METAP1: variants seen among roughly 807,000 people sequenced by gnomAD.
The protein encoded by METAP1 is methionine aminopeptidase 1.
METAP1 carries 28 observed loss-of-function variants against 53.8 expected under a neutral mutation model. The ratio of observed to expected loss-of-function variants is 0.52; its 90% confidence interval spans 0.39 to 0.71. The LOEUF is 0.71. Ranked by LOEUF, METAP1 falls within the 30% of genes least tolerant of loss-of-function variation. The probability of loss-of-function intolerance (pLI) is 0.00; values close to 1 mark genes in which losing one functional copy is unlikely to be tolerated. For missense variants in METAP1, 389 were observed against 479.8 expected (o/e 0.81, Z 1.77); for synonymous variants, 181 against 165.7 (o/e 1.09, Z -0.71).
chr4:99,023,051 C>T (rs28419466), intron 1 of METAP1: 1 of 1,381,336 alleles, frequency 7.2e-7, no homozygotes, highest in Non-Finnish European at 9.8e-7. Flanking sequence ...TCCTCCTGCT[C>T]CTCCTCCACA....
chr4:99,027,556 C>T (rs1388740218), intron 1 of METAP1, among the ~76,000 whole-genome samples: 1 of 149,266 alleles, frequency 6.7e-6, no homozygotes, highest in Non-Finnish European at 1.5e-5. Flanking sequence ...CCCCCCCCCG[C>T]CTTTGTCATA....
intron 4 of METAP1, chr4:99,039,126 T>A (rs1230183): frequency 0.078 from 27,240 of 347,402 alleles, 1,452 homozygotes; most frequent in East Asian, 0.19. Context: ...ACTCTATAAG[T>A]ATTGGCTGAT....
chr4:99,048,401 G>GTC (rs1362249965), intron 8 of METAP1, among the ~76,000 whole-genome samples: 2 of 152,024 alleles, frequency 1.3e-5, no homozygotes, highest in Non-Finnish European at 2.9e-5. Flanking sequence ...TTGAGACAAG[G>GTC]TCTCTCTCTT....
rs925372294 is a variant in METAP1, at chr4:99,062,117, C to G, written c.*800C>G. 1 of 152,148 alleles carries G rather than the reference C, an allele frequency of 6.6e-6. No individual in the cohort carries two copies. Among genetic ancestry groups the G allele is most frequent in the Non-Finnish European group, 1.5e-5 (1 of 68,024 alleles). The allele number at this position is 152,148 out of a possible 1,614,324, so 9.4% of individuals were successfully genotyped here. A position where few individuals can be genotyped will look rare whatever the true frequency, so the allele number is the denominator to read the frequency against. ...CTGCTATTTCAGACCTCTGTTTGGT[C>G]AGAAATGGAAAAGAAAAAGCCCCCT... On this transcript the variant is annotated 3_prime_UTR_variant, in exon 11 of 11. Coordinates refer to ENST00000296411, the MANE Select transcript of METAP1 (RefSeq NM_015143.3).
intron 1 of METAP1, chr4:99,023,951 G>A (rs1413250484): frequency 1.2e-5 from 3 of 242,792 alleles, no homozygotes; most frequent in African/African-American, 4.6e-5. Context: ...GAGCGTTTGG[G>A]TAAGGGAGGA....
At chr4:99,022,342 A>G (rs1724174309) in intron 1 of METAP1, 2 of 855,938 alleles carry the variant, frequency 2.3e-6, no homozygotes, top group East Asian at 2.9e-5. Flanking sequence ...AGATCCCTCC[A>G]TGCTCTCTGA....
intron 3 of METAP1, among the ~76,000 whole-genome samples, chr4:99,034,732 C>T (rs1267366285): frequency 6.6e-6 from 1 of 152,152 alleles, no homozygotes; most frequent in African/African-American, 2.4e-5. Flanking sequence ...CCTTCCGTAT[C>T]ACAGATTGTG....
At chr4:99,027,057 A>T (rs539366222) in intron 1 of METAP1, among the ~76,000 whole-genome samples, 8 of 152,212 alleles carry the variant, frequency 5.3e-5, no homozygotes, top group Non-Finnish European at 8.8e-5. Flanking sequence ...AAGCACTCTG[A>T]AATCCTCTGA....
At chr4:99,008,935 T>C (rs993203836) in intron 1 of METAP1, among the ~76,000 whole-genome samples, 6 of 152,242 alleles carry the variant, frequency 3.9e-5, no homozygotes, top group Admixed American at 3.3e-4. Flanking sequence ...TTTATGTGTA[T>C]AGTTCAGTAG....
chr4:98,998,438 A>T (rs558993830), intron 1 of METAP1, among the ~76,000 whole-genome samples: 1 of 152,256 alleles, frequency 6.6e-6, no homozygotes, highest in East Asian at 1.9e-4. Context: ...CACAAGAATC[A>T]CTTGAACCTG....
Position 99,035,433 on chromosome 4 carries a change from AG to A in METAP1, c.314del (p.Arg105AsnfsTer9). 6.5e-7 allele frequency: 1 copy of A among 1,549,014 alleles called. No homozygotes were observed. The highest frequency in any genetic ancestry group is 8.7e-7 in the Non-Finnish European group (1 of 1,144,752). On this transcript the variant is annotated frameshift_variant, in exon 4 of 11. Transcript: ENST00000296411. LOFTEE classifies it high-confidence loss of function. ...AAGGCCAGTGCCAAGTTATATTCAAAGACCAGATTATGCTGATCATCCCTTA... is the reference window on the plus strand; with the variant it reads ...AAGGCCAGTGCCAAGTTATATTCAAAACCAGATTATGCTGATCATCCCTTA... ...PTRPVPSYIQ[R>X]PDYADHPLGM...
chr4:99,036,874 G>T (rs1725458942), intron 4 of METAP1, among the ~76,000 whole-genome samples: 2 of 151,896 alleles, frequency 1.3e-5, no homozygotes, highest in Non-Finnish European at 2.9e-5. Context: ...TGGATCAAAG[G>T]ATATATACAT....
chr4:98,998,539 C>CA, intron 1 of METAP1, among the ~76,000 whole-genome samples: 1 of 151,954 alleles, frequency 6.6e-6, no homozygotes, highest in East Asian at 1.9e-4. Flanking sequence ...AAAACAAAAA[C>CA]AAAACAAAAC....
At chr4:99,045,818 G>T (rs1726188343) in intron 8 of METAP1, among the ~76,000 whole-genome samples, 1 of 152,098 alleles carries the variant, frequency 6.6e-6, no homozygotes, top group African/African-American at 2.4e-5. Context: ...AAGTTAAATG[G>T]AATCATAATA....
Position 99,039,191 on chromosome 4 carries a change from G to A in METAP1, c.341-183G>A, listed in dbSNP as rs769613988. 3 of 435,010 alleles carry A rather than the reference G, an allele frequency of 6.9e-6. No homozygotes were observed. The East Asian group carries it at 1.1e-4, about 16-fold the overall frequency. The allele number at this position is 435,010 out of a possible 1,614,324, so 26.9% of individuals were successfully genotyped here. On this transcript the variant is annotated intron_variant, in intron 4 of 10. Transcript: ENST00000296411. ...GAATTTTTTCTTCAGTTGGTTTAGC[G>A]AGTTTCCCTTTGATGTTGAAAATGT...
chr4:99,057,857 T>C (rs769995894), intron 10 of METAP1, 39 bp downstream of exon 10: 12 of 1,519,772 alleles, frequency 7.9e-6, no homozygotes, highest in Admixed American at 3.9e-5. Flanking sequence ...TCAATTGAAT[T>C]TATATGTATT....
intron 1 of METAP1, among the ~76,000 whole-genome samples, chr4:99,007,490 T>C (rs1723231313): frequency 6.6e-6 from 1 of 152,196 alleles, no homozygotes; most frequent in Non-Finnish European, 1.5e-5. Context: ...GCGATGATCC[T>C]TACCTGATAA....
At chr4:99,047,570 A>G (rs1340775960) in intron 8 of METAP1, among the ~76,000 whole-genome samples, 1 of 152,212 alleles carries the variant, frequency 6.6e-6, no homozygotes, top group East Asian at 1.9e-4. Flanking sequence ...AAGCTGCAAA[A>G]TACAGTTAAG....
At chr4:99,008,762 G>C (rs192081296) in intron 1 of METAP1, among the ~76,000 whole-genome samples, 3 of 152,270 alleles carry the variant, frequency 2.0e-5, no homozygotes, top group African/African-American at 7.2e-5. Context: ...TGCTTGGTAT[G>C]TAGTAAAATC....
Sources: gnomAD v4.1 joint callset for allele counts (sites outside exome capture counted in the v4.1 genomes callset) on GRCh38, gnomAD v4.1.1 for gene constraint, MANE v1.5 for transcripts, NCBI Gene and HGNC (gene_info 2026-07-23, HGNC 2026-07-21) for gene names.